RAD51B: variants seen among roughly 807,000 people sequenced by gnomAD.
RAD51B encodes the protein RAD51 paralog B.
Under a neutral mutation model 42.2 loss-of-function variants are expected in RAD51B, and 38 were observed. The observed-to-expected ratio is 0.90, with a 90% CI of 0.70 to 1.18. The LOEUF (loss-of-function observed/expected upper bound fraction) is 1.18. Ranked by LOEUF, RAD51B falls within the 50% of genes most tolerant of loss-of-function variation. The pLI is 0.00. For missense variants in RAD51B, 373 were observed against 400.7 expected (o/e 0.93, Z 0.59); for synonymous variants, 154 against 145.2 (o/e 1.06, Z -0.43).
Position 68,546,315 on chromosome 14 carries a change from A to G in RAD51B, c.1037-48170A>G, listed in dbSNP as rs183606112. Reference sequence around the variant, plus strand: ...TAGAGGACTCATCAGAGTTAACATCATCAGACCTTGGTGAGGGAGAGGGAG... The same window carrying G: ...TAGAGGACTCATCAGAGTTAACATCGTCAGACCTTGGTGAGGGAGAGGGAG... On this transcript the variant is annotated intron_variant, in intron 10 of 10. Coordinates refer to the RAD51B transcript ENST00000487270. Among the ~76,000 whole-genome samples, 538 of 152,258 alleles carry G rather than the reference A, an allele frequency of 3.5e-3. 1 individual carries two copies. Among genetic ancestry groups the G allele is most frequent in the Non-Finnish European group, 4.7e-3 (323 of 68,000 alleles).
At chr14:68,408,849 G>C (rs1160267274) in intron 8 of RAD51B, among the ~76,000 whole-genome samples, 1 of 152,116 alleles carries the variant, frequency 6.6e-6, no homozygotes, top group African/African-American at 2.4e-5. Flanking sequence ...ACAACAGCTA[G>C]AGCTGAACAG....
intron 4 of RAD51B, among the ~76,000 whole-genome samples, chr14:67,838,563 C>T (rs1474313990): frequency 6.6e-6 from 1 of 152,098 alleles, no homozygotes; most frequent in East Asian, 1.9e-4. Context: ...CTTCCTCAGC[C>T]TCCCAAGTAG....
In RAD51B at chr14:68,015,614, A is replaced by G. The variant is rs543779287; in HGVS notation, c.756+128410A>G. The stretch of plus-strand genomic sequence containing the variant: ...TCAGATTTCGGGAGACTTATTCACT[A>G]TCATGAGAACAGCATGGGAAAAAAC... On this transcript the variant is annotated intron_variant, in intron 7 of 10. Coordinates refer to ENST00000471583, the MANE Select transcript of RAD51B (RefSeq NM_133510.4). 2.4e-4 allele frequency among the ~76,000 whole-genome samples: 37 copies of G among 152,252 alleles called. No homozygotes were observed. The South Asian group carries it at 7.1e-3, about 29-fold the overall frequency.
intron 9 of RAD51B, among the ~76,000 whole-genome samples, chr14:68,461,583 C>G (rs1056996093): frequency 6.6e-6 from 1 of 152,128 alleles, no homozygotes; most frequent in Non-Finnish European, 1.5e-5. Context: ...TTGTTCTCAT[C>G]AGCATTATTA....
chr14:67,848,210 G>T (rs2041685844), intron 4 of RAD51B, among the ~76,000 whole-genome samples: 1 of 152,068 alleles, frequency 6.6e-6, no homozygotes, highest in Admixed American at 6.6e-5. Context: ...GTAGAGATGG[G>T]GTTTCACCAT....
intron 8 of RAD51B, among the ~76,000 whole-genome samples, chr14:68,394,252 C>T (rs755237152): frequency 9.5e-4 from 145 of 152,370 alleles, no homozygotes; most frequent in Non-Finnish European, 1.6e-3. Flanking sequence ...TTCCCAAGTT[C>T]TCAGGCCTCC....
At chr14:68,035,216 A>G (rs956829675) in intron 7 of RAD51B, among the ~76,000 whole-genome samples, 1 of 152,064 alleles carries the variant, frequency 6.6e-6, no homozygotes, top group African/African-American at 2.4e-5. Flanking sequence ...TTCTCTTTTT[A>G]AAAATAACTT....
At chr14:67,864,961 C>CTGTT (rs2042278659) in intron 4 of RAD51B, 42 bp from the exon 5 acceptor site, 1 of 642,536 alleles carries the variant, frequency 1.6e-6, no homozygotes, top group Non-Finnish European at 1.9e-6. Flanking sequence ...ATCTAAAAAA[C>CTGTT]TTTTTTTTTT....
At chr14:68,660,019 G>A (rs2140145056) in intron 11 of RAD51B, among the ~76,000 whole-genome samples, 1 of 152,334 alleles carries the variant, frequency 6.6e-6, no homozygotes, top group Non-Finnish European at 1.5e-5. Flanking sequence ...GATTCCTATT[G>A]ATGTCAGTAG....
At chr14:68,383,197 A>G (rs1412092608) in intron 8 of RAD51B, among the ~76,000 whole-genome samples, 1 of 152,246 alleles carries the variant, frequency 6.6e-6, no homozygotes, top group Non-Finnish European at 1.5e-5. Context: ...AGCTATTTAT[A>G]TAACTTTTAA....
At chr14:68,605,710 AT>A (rs1891418700) in intron 10 of RAD51B, among the ~76,000 whole-genome samples, 1 of 152,114 alleles carries the variant, frequency 6.6e-6, no homozygotes, top group African/African-American at 2.4e-5. Flanking sequence ...CAGCGACCCT[AT>A]TTCCAAATAA....
chr14:68,414,522 A>G (rs561240536), intron 9 of RAD51B, among the ~76,000 whole-genome samples: 203 of 152,144 alleles, frequency 1.3e-3, no homozygotes, highest in African/African-American at 4.8e-3. Flanking sequence ...CGTGCATGGT[A>G]TGGGGATATA....
At chr14:68,383,227 C>A (rs1186692401) in intron 8 of RAD51B, among the ~76,000 whole-genome samples, 2 of 152,208 alleles carry the variant, frequency 1.3e-5, no homozygotes, top group African/African-American at 4.8e-5. Flanking sequence ...AGAGAAGACT[C>A]TAACATCCCT....
At chr14:68,063,436 C>A (rs1452322887) in intron 7 of RAD51B, among the ~76,000 whole-genome samples, 5 of 151,910 alleles carry the variant, frequency 3.3e-5, no homozygotes, top group African/African-American at 1.2e-4. Flanking sequence ...GAGATCTGGT[C>A]ATTTAAAAGT....
chr14:68,647,606 T>C (rs1017207028), intron 10 of RAD51B, among the ~76,000 whole-genome samples: 2 of 152,332 alleles, frequency 1.3e-5, no homozygotes, highest in African/African-American at 2.4e-5. Flanking sequence ...AGAATTAAGA[T>C]GAATACACAC....
intron 7 of RAD51B, among the ~76,000 whole-genome samples, chr14:68,040,965 T>C (rs1218907763): frequency 6.6e-6 from 1 of 152,200 alleles, no homozygotes; most frequent in African/African-American, 2.4e-5. Context: ...GTTTGGTTGT[T>C]CTGTGATCTG....
At chr14:67,985,044 T>G (rs896577240) in intron 7 of RAD51B, among the ~76,000 whole-genome samples, 1 of 152,208 alleles carries the variant, frequency 6.6e-6, no homozygotes, top group African/African-American at 2.4e-5. Flanking sequence ...GGTCAAGGAT[T>G]GGACTAGATA....
At chr14:68,187,867 T>G (rs2140898855) in intron 7 of RAD51B, among the ~76,000 whole-genome samples, 2 of 152,288 alleles carry the variant, frequency 1.3e-5, no homozygotes, top group South Asian at 4.1e-4. Context: ...CAGGCTGGAG[T>G]GCAGTGGCGC....
chr14:67,951,870 C>A (rs2074457673), intron 7 of RAD51B, among the ~76,000 whole-genome samples: 1 of 152,128 alleles, frequency 6.6e-6, no homozygotes. Flanking sequence ...CTGATGAAAT[C>A]ATTTTCTAGC....
Sources: allele counts gnomAD v4.1 joint callset (sites outside exome capture counted in the v4.1 genomes callset), GRCh38; gene constraint gnomAD v4.1.1; transcripts MANE v1.5; gene names NCBI Gene and HGNC (gene_info 2026-07-23, HGNC 2026-07-21).